PLEKHG1: variants seen among roughly 807,000 people sequenced by gnomAD.
The protein encoded by PLEKHG1 is pleckstrin homology and RhoGEF domain containing G1.
Under a neutral mutation model 100.8 loss-of-function variants are expected in PLEKHG1, and 44 were observed. The ratio of observed to expected loss-of-function variants is 0.44; its 90% confidence interval spans 0.34 to 0.56. The LOEUF (loss-of-function observed/expected upper bound fraction) is 0.56, where lower values mean the gene tolerates loss of function less well. Among genes scored for constraint, PLEKHG1 ranks in the 20% least tolerant of loss-of-function variants. The pLI is 0.01. For missense variants in PLEKHG1, 1,545 were observed against 1,720.9 expected (o/e 0.90, Z 1.81); for synonymous variants, 640 against 662.5 (o/e 0.97, Z 0.52).
intron 3 of PLEKHG1, among the ~76,000 whole-genome samples, chr6:150,676,799 A>T (rs1483769625): frequency 1.3e-5 from 2 of 152,168 alleles, no homozygotes; most frequent in East Asian, 1.9e-4. Context: ...TATTTTCCTG[A>T]GTCACCCACC....
At chr6:150,741,233 A>G (rs1031362860) in intron 2 of PLEKHG1, among the ~76,000 whole-genome samples, 1 of 152,090 alleles carries the variant, frequency 6.6e-6, no homozygotes, top group African/African-American at 2.4e-5. Flanking sequence ...ATTCGGTGAG[A>G]GCAAAATGAG....
intron 1 of PLEKHG1, among the ~76,000 whole-genome samples, chr6:150,634,243 TCCCC>T (rs372926333): frequency 0.074 from 6,683 of 89,796 alleles, 597 homozygotes; most frequent in African/African-American, 0.26. Context: ...AAACTCGATC[TCCCC>T]CCCAAAAAAA....
intron 3 of PLEKHG1, among the ~76,000 whole-genome samples, chr6:150,681,740 C>A (rs973579847): frequency 4.6e-5 from 7 of 152,020 alleles, no homozygotes; most frequent in African/African-American, 1.7e-4. Context: ...TCTGAGAGAA[C>A]CCAGCGATTC....
In PLEKHG1 at chr6:150,600,890, C is replaced by G. The variant is rs896190666; in HGVS notation, c.-204+873C>G. On this transcript the variant is annotated intron_variant, in intron 1 of 3. Coordinates refer to the PLEKHG1 transcript ENST00000367326. The surrounding 1 kb of genome is among the most constrained non-coding windows in gnomAD (Gnocchi z 6.2). Reference sequence around the variant, plus strand: ...TGCTGGCGGAGCGGGGTTTGTAAGCCGGCGTTTCATCCAGCTCTGGTCCTC... The same window carrying G: ...TGCTGGCGGAGCGGGGTTTGTAAGCGGGCGTTTCATCCAGCTCTGGTCCTC... The G allele has an allele frequency of 9.2e-5, 14 of 152,320 alleles. No homozygotes were observed. Among genetic ancestry groups the G allele is most frequent in the Middle Eastern group, 3.4e-3 (1 of 294 alleles). The allele number at this position is 152,320 out of a possible 1,614,324, so 9.4% of individuals were successfully genotyped here.
At chr6:150,640,367 G>A (rs1274731029) in intron 2 of PLEKHG1, among the ~76,000 whole-genome samples, 1 of 152,142 alleles carries the variant, frequency 6.6e-6, no homozygotes, top group Non-Finnish European at 1.5e-5. Flanking sequence ...AACACACAGG[G>A]CCATGGCCTG....
chr6:150,840,166 A>G, exon 16 of PLEKHG1: 1 of 1,614,190 alleles, frequency 6.2e-7, no homozygotes, highest in Non-Finnish European at 8.5e-7. Flanking sequence ...GGCTCTGTGC[A>G]GAGATGCAGC....
chr6:150,669,753 C>T (rs1017772284), intron 3 of PLEKHG1, among the ~76,000 whole-genome samples: 7 of 151,890 alleles, frequency 4.6e-5, no homozygotes, highest in Admixed American at 1.3e-4. Context: ...CCTGCCACCA[C>T]GCCCAGCTAA....
At chr6:150,733,886 A>C in exon 2 of PLEKHG1, 1 of 1,614,200 alleles carries the variant, frequency 6.2e-7, no homozygotes, top group Non-Finnish European at 8.5e-7. Context: ...CGAGCTGCAG[A>C]GGGACAACCC....
At chr6:150,783,058 A>C (rs1785405102) in intron 3 of PLEKHG1, among the ~76,000 whole-genome samples, 1 of 151,900 alleles carries the variant, frequency 6.6e-6, no homozygotes, top group Non-Finnish European at 1.5e-5. Context: ...TAAGAACAAA[A>C]GCATAAGCAA....
chr6:150,620,571 T>C (rs1229282857), intron 1 of PLEKHG1, among the ~76,000 whole-genome samples: 2 of 152,204 alleles, frequency 1.3e-5, no homozygotes, highest in African/African-American at 4.8e-5. Flanking sequence ...ACAGAGCCAA[T>C]TGTGTGTTCT....
At chr6:150,632,516 C>T (rs1777802433) in intron 1 of PLEKHG1, among the ~76,000 whole-genome samples, 1 of 152,238 alleles carries the variant, frequency 6.6e-6, no homozygotes, top group African/African-American at 2.4e-5. Context: ...TGGAGAGGCC[C>T]CCAGGCGAGT....
chr6:150,757,986 C>T (rs1279096480), intron 2 of PLEKHG1, among the ~76,000 whole-genome samples: 2 of 152,156 alleles, frequency 1.3e-5, no homozygotes, highest in South Asian at 2.1e-4. Context: ...CTGAGGATAA[C>T]AGCTTCCGGC....
At chr6:150,745,957 G>T (rs1257931701) in intron 2 of PLEKHG1, among the ~76,000 whole-genome samples, 1 of 152,050 alleles carries the variant, frequency 6.6e-6, no homozygotes, top group Non-Finnish European at 1.5e-5. Context: ...AAAGAATAGA[G>T]AACAAAGAAG....
At chr6:150,807,995 T>A (rs995353731) in intron 7 of PLEKHG1, among the ~76,000 whole-genome samples, 1 of 151,952 alleles carries the variant, frequency 6.6e-6, no homozygotes, top group Non-Finnish European at 1.5e-5. Flanking sequence ...AAAGAATGAA[T>A]AAGATCTAGC....
intron 3 of PLEKHG1, among the ~76,000 whole-genome samples, chr6:150,659,981 T>C (rs1311600611): frequency 6.6e-6 from 1 of 152,110 alleles, no homozygotes; most frequent in African/African-American, 2.4e-5. Context: ...TCATAAGAAA[T>C]CAATAAAAAT....
rs373981455 is a variant in PLEKHG1 at position 150,830,976 on chromosome 6, T to C, written c.1865T>C (p.Ile622Thr). 7 of 1,613,380 alleles carry C rather than the reference T, an allele frequency of 4.3e-6. No homozygotes were observed. In the African/African-American group the frequency reaches 9.4e-5, roughly 22 times the overall value. Reference sequence around the variant, plus strand: ...GAGAGCAACACATGCCCTCCTGAAATAGGAACTAGTGACAGAACTAGGGAA... The same window carrying C: ...GAGAGCAACACATGCCCTCCTGAAACAGGAACTAGTGACAGAACTAGGGAA... The change falls in exon 15 of 16, where the codon ATA becomes ACA. Residue 622 changes from isoleucine (I) to threonine (T), a missense_variant. Transcript: ENST00000358517.
At chr6:150,777,757 C>G (rs372827667) in intron 3 of PLEKHG1, among the ~76,000 whole-genome samples, 6 of 128,170 alleles carry the variant, frequency 4.7e-5, no homozygotes, top group African/African-American at 1.9e-4. Context: ...TGGTTGCACA[C>G]TACTCACACT....
intron 1 of PLEKHG1, among the ~76,000 whole-genome samples, chr6:150,635,192 C>T (rs7775858): frequency 0.33 from 50,632 of 152,004 alleles, 9,065 homozygotes; most frequent in African/African-American, 0.48. Context: ...TCCAATTAGC[C>T]TCCTGGCAAG....
At chr6:150,823,708 G>A in intron 14 of PLEKHG1, 32 bp downstream of exon 15, 2 of 1,574,808 alleles carry the variant, frequency 1.3e-6, no homozygotes, top group Non-Finnish European at 1.7e-6. Context: ...ACTTGGAAAT[G>A]TTCACTTCAG....
Sources: gnomAD v4.1 joint callset for allele counts (sites outside exome capture counted in the v4.1 genomes callset) on GRCh38, gnomAD v4.1.1 for gene constraint, Gnocchi (gnomAD v3.1) non-coding constraint, MANE v1.5 for transcripts, NCBI Gene and HGNC (gene_info 2026-07-23, HGNC 2026-07-21) for gene names.